The following SLC26A5 variants were observed in gnomAD, a reference collection of about 807,000 sequenced individuals.
SLC26A5 encodes the protein solute carrier family 26 member 5.
In SLC26A5, 51 loss-of-function variants were observed where a neutral mutation model predicts 81.0. The observed-to-expected ratio is 0.63, with a 90% CI of 0.50 to 0.80. The LOEUF is 0.80. Among genes scored for constraint, SLC26A5 ranks in the 30% least tolerant of loss-of-function variants. The probability of loss-of-function intolerance (pLI) is 0.00; values close to 1 mark genes in which losing one functional copy is unlikely to be tolerated. For missense variants in SLC26A5, 771 were observed against 905.8 expected (o/e 0.85, Z 1.91); for synonymous variants, 325 against 332.8 (o/e 0.98, Z 0.25).
intron 18 of SLC26A5, 65 bp downstream of exon 18, chr7:103,377,534 G>T: frequency 6.9e-7 from 1 of 1,444,360 alleles, no homozygotes; most frequent in Non-Finnish European, 9.7e-7. Context: ...CCACCTCCCT[G>T]ATTATGCTGA....
chr7:103,413,531 C>T (rs904503731), intron 4 of SLC26A5, among the ~76,000 whole-genome samples: 4 of 152,124 alleles, frequency 2.6e-5, no homozygotes, highest in African/African-American at 9.7e-5. Context: ...ATGCTCCCTC[C>T]TCCTGACTCT....
intron 14 of SLC26A5, among the ~76,000 whole-genome samples, chr7:103,381,515 C>T (rs1821787412): frequency 1.3e-5 from 2 of 150,960 alleles, no homozygotes; most frequent in African/African-American, 4.9e-5. Flanking sequence ...ATGCCACACA[C>T]AATACCATAC....
Position 103,410,465 on chromosome 7 carries a change from C to G in SLC26A5, c.655G>C (p.Val219Leu). Residue 219 changes from valine to leucine, a missense_variant, in exon 7 of 20, where the codon GTG becomes CTG. Transcript: ENST00000306312. Reference protein sequence around the residue: ...LVRGFTTAAAVHVFTSMLKYL... With the variant: ...LVRGFTTAAALHVFTSMLKYL... ...TTTAACATGGAGGTGAAGACATGCA[C>G]AGCTGCTGCGGTGGTAAACCCACGG... 6.2e-7 allele frequency: 1 copy of G among 1,614,042 alleles called. No homozygotes were observed. The highest frequency in any genetic ancestry group is 1.1e-5 in the South Asian group (1 of 91,078).
Position 103,367,311 on chromosome 7 carries a change from C to A in SLC26A5, c.2041+9497G>T. 2 of 1,061,522 alleles carry A rather than the reference C, an allele frequency of 1.9e-6. No homozygotes were observed. Among genetic ancestry groups the A allele is most frequent in the Non-Finnish European group, 2.8e-6 (2 of 704,048 alleles). The allele number at this position is 1,061,522 out of a possible 1,614,324, so 65.8% of individuals were successfully genotyped here. A position where few individuals can be genotyped will look rare whatever the true frequency, so the allele number is the denominator to read the frequency against. ...CTTCAAAGTGGGATGTCACTTGTGC[C>A]TGAGGACATGATTTGAGCTGAGATT... On this transcript the variant is annotated intron_variant, in intron 19 of 19. Transcript: ENST00000339444. This position sits in a 1 kb window ranked among gnomAD's most constrained non-coding sequence, Gnocchi z 6.1.
rs1821684017 is a variant in SLC26A5 at position 103,380,465 on chromosome 7, A to G, written c.1584+15T>C. The stretch of plus-strand genomic sequence containing the variant: ...CATGCTTACAACCTTTTTAAGTGAT[A>G]GAAAAAGGTCCTACCTCCTCATATG... On this transcript the variant is annotated intron_variant, in intron 15 of 19. Transcript: ENST00000306312. The G allele has an allele frequency of 6.2e-7, 1 of 1,604,676 alleles. No individual in the cohort carries two copies. Among genetic ancestry groups the G allele is most frequent in the African/African-American group, 1.3e-5 (1 of 74,730 alleles).
At chr7:103,354,465 T>C (rs2116149586) in intron 19 of SLC26A5, among the ~76,000 whole-genome samples, 1 of 149,254 alleles carries the variant, frequency 6.7e-6, no homozygotes, top group Non-Finnish European at 1.5e-5. Context: ...GCCTCCTGGG[T>C]TCAAGCGATT....
At chr7:103,395,335 C>T (rs1045153295) in intron 9 of SLC26A5, among the ~76,000 whole-genome samples, 28 of 132,238 alleles carry the variant, frequency 2.1e-4, no homozygotes, top group Admixed American at 2.1e-3. Context: ...TTTCCAGAAA[C>T]GTAAGGTCTT....
chr7:103,385,324 G>T (rs1363641716), intron 14 of SLC26A5, among the ~76,000 whole-genome samples: 1 of 151,970 alleles, frequency 6.6e-6, no homozygotes, highest in Non-Finnish European at 1.5e-5. Context: ...CACCACGCCT[G>T]GCTAATTTTT....
chr7:103,374,705 C>CA, intron 19 of SLC26A5, 113 bp from the exon 20 acceptor site: 3 of 814,254 alleles, frequency 3.7e-6, no homozygotes, highest in Non-Finnish European at 5.3e-6. Flanking sequence ...TTTTTTGTTT[C>CA]TTTTTTTTTT....
intron 7 of SLC26A5, among the ~76,000 whole-genome samples, chr7:103,409,860 A>C (rs1170087630): frequency 6.6e-6 from 1 of 151,916 alleles, no homozygotes; most frequent in Non-Finnish European, 1.5e-5. Context: ...GGTGCCCGCC[A>C]CCACACCTGG....
intron 19 of SLC26A5, among the ~76,000 whole-genome samples, chr7:103,355,467 T>C (rs112392059): frequency 1.2e-4 from 15 of 126,430 alleles, no homozygotes; most frequent in African/African-American, 4.4e-4. Context: ...CAGAGGACAC[T>C]GGGCAATGTC....
chr7:103,367,393 CTTTCCT>C lies in SLC26A5; in HGVS notation c.2041+9409_2041+9414del. 3 of 1,612,052 alleles carry C rather than the reference CTTTCCT, an allele frequency of 1.9e-6. No individual in the cohort carries two copies. The highest frequency in any genetic ancestry group is 2.5e-6 in the Non-Finnish European group (3 of 1,179,332). ...TCTTGAGTGGACTTGAAGAGCTTATCTTTCCTTTTGTCTTCTCAGGGGCTCGTTTTG... is the reference window on the plus strand; with the variant it reads ...TCTTGAGTGGACTTGAAGAGCTTATCTTTGTCTTCTCAGGGGCTCGTTTTG... On this transcript the variant is annotated intron_variant, in intron 19 of 19. Coordinates refer to the SLC26A5 transcript ENST00000339444. The surrounding 1 kb of genome is among the most constrained non-coding windows in gnomAD (Gnocchi z 6.1).
At chr7:103,428,057 T>C (rs1348407816) in intron 2 of SLC26A5, among the ~76,000 whole-genome samples, 1 of 152,108 alleles carries the variant, frequency 6.6e-6, no homozygotes, top group African/African-American at 2.4e-5. Flanking sequence ...TTCACCATAT[T>C]GGCCAGGCTG....
chr7:103,443,674 A>T (rs1464913591), intron 1 of SLC26A5, among the ~76,000 whole-genome samples: 1 of 152,260 alleles, frequency 6.6e-6, no homozygotes, highest in Non-Finnish European at 1.5e-5. Flanking sequence ...AGTCTTTTAC[A>T]AAGAATACAA....
In SLC26A5 at chr7:103,363,572, A is replaced by G. The variant is rs151232900; in HGVS notation, c.2042-10646T>C. On this transcript the variant is annotated intron_variant, in intron 19 of 19. Transcript: ENST00000339444. ...GAGAGTTTTTTGAGAGGGTGGAGAGAGGAGGTGTGGAGAGTTGGTAAGTTC... is the reference window on the plus strand; with the variant it reads ...GAGAGTTTTTTGAGAGGGTGGAGAGGGGAGGTGTGGAGAGTTGGTAAGTTC... 26 of 770,274 alleles carry G rather than the reference A, an allele frequency of 3.4e-5. No individual in the cohort carries two copies. The African/African-American group carries it at 4.2e-4, about 12-fold the overall frequency. The allele number at this position is 770,274 out of a possible 1,614,324, so 47.7% of individuals were successfully genotyped here.
At chr7:103,445,431 G>A (rs891008612) in intron 1 of SLC26A5, 1 of 152,260 alleles carries the variant, frequency 6.6e-6, no homozygotes, top group Non-Finnish European at 1.5e-5. Context: ...CCTCTATGAT[G>A]GCAGAGCACC....
At chr7:103,430,133 C>T (rs1586380508) in intron 2 of SLC26A5, among the ~76,000 whole-genome samples, 1 of 148,414 alleles carries the variant, frequency 6.7e-6, no homozygotes, top group African/African-American at 2.5e-5. Context: ...CCCTAAAGTG[C>T]GATGGTGTGA....
chr7:103,403,951 G>A (rs931139145), intron 8 of SLC26A5, among the ~76,000 whole-genome samples: 1 of 151,952 alleles, frequency 6.6e-6, no homozygotes, highest in Non-Finnish European at 1.5e-5. Flanking sequence ...GGGAGGCTAA[G>A]GCAGGCAGAT....
At chr7:103,419,620 C>T (rs979306127) in intron 4 of SLC26A5, among the ~76,000 whole-genome samples, 2 of 152,028 alleles carry the variant, frequency 1.3e-5, no homozygotes, top group African/African-American at 4.8e-5. Flanking sequence ...TCACCGCAAC[C>T]TCCACCTCCC....
Sources: gnomAD v4.1 joint callset for allele counts (sites outside exome capture counted in the v4.1 genomes callset) on GRCh38, gnomAD v4.1.1 for gene constraint, Gnocchi (gnomAD v3.1) non-coding constraint, MANE v1.5 for transcripts, NCBI Gene and HGNC (gene_info 2026-07-23, HGNC 2026-07-21) for gene names.